Variants in PAM observed in about 807,000 individuals in gnomAD.
The protein encoded by PAM is peptidylglycine alpha-amidating monooxygenase.
PAM carries 72 observed loss-of-function variants against 122.1 expected under a neutral mutation model. The observed-to-expected ratio is 0.59, with a 90% CI of 0.49 to 0.72. The LOEUF (loss-of-function observed/expected upper bound fraction) is 0.72. PAM is among the 30% of genes least tolerant of loss of function. PAM has a pLI of 0.00. For synonymous variants in PAM, 389 were observed against 404.4 expected, an observed-to-expected ratio of 0.96 and a Z score of 0.46; for missense variants, 1,106 against 1,183.7, an observed-to-expected ratio of 0.93 and a Z score of 0.96.
intron 1 of PAM, among the ~76,000 whole-genome samples, chr5:102,819,628 A>G (rs1771062214): frequency 6.6e-6 from 1 of 152,132 alleles, no homozygotes; most frequent in African/African-American, 2.4e-5. Context: ...TAAAATAGAA[A>G]TATTTTTGAG....
intron 1 of PAM, among the ~76,000 whole-genome samples, chr5:102,857,613 C>A (rs992771829): frequency 4.6e-5 from 7 of 152,128 alleles, no homozygotes; most frequent in African/African-American, 1.7e-4. Flanking sequence ...TTAAGAGCTT[C>A]AACCATGGCG....
chr5:102,964,120 CAAAG>C (rs1283177624), intron 14 of PAM, among the ~76,000 whole-genome samples: 1 of 151,576 alleles, frequency 6.6e-6, no homozygotes, highest in Non-Finnish European at 1.5e-5. Context: ...GAAAAAAATT[CAAAG>C]AAAGTTAGTG....
In PAM at chr5:102,916,975, T is replaced by C. The variant is rs184129192; in HGVS notation, c.356+2954T>C. 2.5e-3 allele frequency among the ~76,000 whole-genome samples: 382 copies of C among 151,918 alleles called. 2 individuals carry two copies. The highest frequency in any genetic ancestry group is 8.6e-3 in the African/African-American group (355 of 41,452). On this transcript the variant is annotated intron_variant, in intron 5 of 25. Coordinates refer to ENST00000438793, the MANE Select transcript of PAM (RefSeq NM_001177306.2). ...CTCGAGCCCCCTGACCTCAAGTGATTCACCCACCTTGGCCTCCCAAAGTGC... is the reference window on the plus strand; with the variant it reads ...CTCGAGCCCCCTGACCTCAAGTGATCCACCCACCTTGGCCTCCCAAAGTGC...
At chr5:102,813,968 C>T (rs1266079029) in intron 1 of PAM, among the ~76,000 whole-genome samples, 1 of 152,144 alleles carries the variant, frequency 6.6e-6, no homozygotes, top group Non-Finnish European at 1.5e-5. Context: ...GAAGACTGTG[C>T]CCCATACCTG....
At chr5:102,759,510 G>A (rs1386249915) in intron 1 of PAM, among the ~76,000 whole-genome samples, 1 of 152,198 alleles carries the variant, frequency 6.6e-6, no homozygotes, top group Admixed American at 6.5e-5. Context: ...TTGGGATGCA[G>A]GCCAAGTGTT....
At chr5:103,019,062 T>C (rs1423815534) in intron 22 of PAM, among the ~76,000 whole-genome samples, 1 of 152,112 alleles carries the variant, frequency 6.6e-6, no homozygotes, top group Non-Finnish European at 1.5e-5. Context: ...TAACAGGCCA[T>C]GGCCCGGGAT....
intron 7 of PAM, among the ~76,000 whole-genome samples, chr5:102,937,992 T>C (rs1414717065): frequency 6.6e-6 from 1 of 152,180 alleles, no homozygotes; most frequent in African/African-American, 2.4e-5. Context: ...TGTAGAGATA[T>C]TTCTAAATCA....
intron 20 of PAM, among the ~76,000 whole-genome samples, chr5:103,009,317 T>A (rs929285693): frequency 3.3e-5 from 5 of 152,198 alleles, no homozygotes; most frequent in Non-Finnish European, 5.9e-5. Context: ...ACTTATTTTC[T>A]TTGATTTTCT....
Position 102,961,150 on chromosome 5 carries a change from C to CT in PAM, c.1091-5dup. On this transcript the variant is annotated splice_region_variant and splice_polypyrimidine_tract_variant and intron_variant, in intron 13 of 25. Coordinates refer to ENST00000438793, the MANE Select transcript of PAM (RefSeq NM_001177306.2). ...AAATTTATGCTCAGCTTCTTTGATC[C>CT]TTTACAGAAACAGAATATAAAGATA... The CT allele has an allele frequency of 6.8e-7, 1 of 1,481,252 alleles. No individual in the cohort carries two copies. Among genetic ancestry groups the CT allele is most frequent in the Non-Finnish European group, 9.4e-7 (1 of 1,060,888 alleles). The allele number at this position is 1,481,252 out of a possible 1,614,324, so 91.8% of individuals were successfully genotyped here.
At chr5:103,017,486 A>G in intron 22 of PAM, 53 bp downstream of exon 22, 5 of 1,042,138 alleles carry the variant, frequency 4.8e-6, no homozygotes, top group Non-Finnish European at 7.5e-6. Context: ...TGATTGCTTA[A>G]AAGCATATGA....
At chr5:102,861,008 A>T (rs573546897) in intron 1 of PAM, among the ~76,000 whole-genome samples, 2 of 152,288 alleles carry the variant, frequency 1.3e-5, no homozygotes, top group East Asian at 3.9e-4. Context: ...ACATAATAAA[A>T]GACTGCTCAC....
chr5:102,759,406 T>C (rs190634344), intron 1 of PAM, among the ~76,000 whole-genome samples: 2 of 152,014 alleles, frequency 1.3e-5, no homozygotes, highest in East Asian at 3.9e-4. Context: ...AAACAATACA[T>C]AGGTAAGAGC....
rs1017281551 is a variant in PAM at position 103,028,051 on chromosome 5, T to G, written c.2690-134T>G. On this transcript the variant is annotated intron_variant, in intron 24 of 25. Coordinates refer to ENST00000438793, the MANE Select transcript of PAM (RefSeq NM_001177306.2). ...AGAAATATACCGCCTTTCTTAAAAATTAGAATTGCATACAGACAAGAGCCA... is the reference window on the plus strand; with the variant it reads ...AGAAATATACCGCCTTTCTTAAAAAGTAGAATTGCATACAGACAAGAGCCA... 4.5e-6 allele frequency: 3 copies of G among 668,302 alleles called. No homozygotes were observed. In the African/African-American group the frequency reaches 5.5e-5, roughly 12 times the overall value. 41.4% of individuals were successfully genotyped at this position (668,302 alleles called of 1,614,324 possible). A position where few individuals can be genotyped will look rare whatever the true frequency, so the allele number is the denominator to read the frequency against.
Position 102,756,583 on chromosome 5 carries a change from A to G in PAM, c.-374+1235A>G, listed in dbSNP as rs879866850. Among the ~76,000 whole-genome samples, 3 of 152,154 alleles carry G rather than the reference A, an allele frequency of 2.0e-5. No individual in the cohort carries two copies. In the East Asian group the frequency reaches 5.8e-4, roughly 29 times the overall value. ...ATTTAGCTCAAATAACATGTGACAT[A>G]TTGTTTGTAAATTTTCAGTTTATAA... On this transcript the variant is annotated intron_variant, in intron 1 of 25. Transcript: ENST00000438793.
intron 7 of PAM, among the ~76,000 whole-genome samples, chr5:102,939,350 C>G (rs755987269): frequency 4.6e-5 from 7 of 152,034 alleles, no homozygotes; most frequent in Non-Finnish European, 7.4e-5. Flanking sequence ...ATCTGTCCTC[C>G]CCCACACTTT....
At chr5:102,951,065 T>C (rs1353273455) in intron 12 of PAM, among the ~76,000 whole-genome samples, 2 of 152,082 alleles carry the variant, frequency 1.3e-5, no homozygotes, top group African/African-American at 4.8e-5. Flanking sequence ...CTCTAAATAT[T>C]ACAGTTATCA....
chr5:102,831,000 A>G (rs2150428780), intron 1 of PAM, among the ~76,000 whole-genome samples: 1 of 152,314 alleles, frequency 6.6e-6, no homozygotes, highest in South Asian at 2.1e-4. Context: ...TGTAGTAGTT[A>G]CTAACCCAAA....
At chr5:102,769,217 G>C (rs899535632) in intron 1 of PAM, among the ~76,000 whole-genome samples, 5 of 151,766 alleles carry the variant, frequency 3.3e-5, no homozygotes, top group African/African-American at 1.2e-4. Flanking sequence ...TTTTCCAGCA[G>C]AGTTGTTGGA....
chr5:102,757,183 T>C (rs1750657410), intron 1 of PAM, among the ~76,000 whole-genome samples: 1 of 152,050 alleles, frequency 6.6e-6, no homozygotes, highest in African/African-American at 2.4e-5. Context: ...AAAAATTACT[T>C]GGGCATAGTG....
Sources: gnomAD v4.1 joint callset for allele counts (sites outside exome capture counted in the v4.1 genomes callset) on GRCh38, gnomAD v4.1.1 for gene constraint, MANE v1.5 for transcripts, NCBI Gene and HGNC (gene_info 2026-07-23, HGNC 2026-07-21) for gene names.